The following GLIS1 variants were observed in gnomAD, a reference collection of about 807,000 sequenced individuals.
GLIS1 encodes the protein GLIS family zinc finger 1.
Under a neutral mutation model 63.8 loss-of-function variants are expected in GLIS1, and 24 were observed. The ratio of observed to expected loss-of-function variants is 0.38; its 90% confidence interval spans 0.27 to 0.53. The LOEUF (loss-of-function observed/expected upper bound fraction) is 0.53. Among genes scored for constraint, GLIS1 ranks in the 20% least tolerant of loss-of-function variants. The probability of loss-of-function intolerance (pLI) is 0.85; values close to 1 mark genes in which losing one functional copy is unlikely to be tolerated. For missense variants in GLIS1, 1,036 were observed against 1,074.1 expected (o/e 0.96, Z 0.50); for synonymous variants, 450 against 482.5 (o/e 0.93, Z 0.88).
chr1:53,632,414 G>A lies in GLIS1; in HGVS notation c.260-32136C>T, dbSNP rs544595944. On this transcript the variant is annotated intron_variant, in intron 2 of 10. Coordinates refer to ENST00000628545, the MANE Select transcript of GLIS1 (RefSeq NM_001367484.1). ...GAGGGGTGTTTGAGTGTGACTGAGG[G>A]GCATGTGGATGAATATGACTGAGGG... is the stretch of plus-strand genomic sequence containing the variant. Among the ~76,000 whole-genome samples, 44 of 150,910 alleles carry A rather than the reference G, an allele frequency of 2.9e-4. 1 individual carries two copies. In the South Asian group the frequency reaches 8.9e-3, roughly 31 times the overall value.
chr1:53,680,234 T>G (rs1360698864), intron 2 of GLIS1, among the ~76,000 whole-genome samples: 3 of 152,082 alleles, frequency 2.0e-5, no homozygotes, highest in Non-Finnish European at 4.4e-5. Flanking sequence ...CTTAACGTCT[T>G]CATAAGGAAA....
At chr1:53,689,483 C>G (rs1646378403) in intron 2 of GLIS1, among the ~76,000 whole-genome samples, 1 of 152,170 alleles carries the variant, frequency 6.6e-6, no homozygotes, top group African/African-American at 2.4e-5. Flanking sequence ...CAGAAACATC[C>G]TGAGCTGAGA....
In GLIS1 at chr1:53,598,866, G is replaced by A. The variant is rs1162035518; in HGVS notation, c.437+1235C>T. On this transcript the variant is annotated intron_variant, in intron 3 of 10. Transcript: ENST00000628545. This position sits in a 1 kb window ranked among gnomAD's most constrained non-coding sequence, Gnocchi z 4.6. ...GGAAGAACAGCATCCTTCTATTTAG[G>A]AATTTATCCACTGTGGAGCTCTCAC... Among the ~76,000 whole-genome samples the A allele has an allele frequency of 6.6e-6, 1 of 152,164 alleles. No homozygotes were observed. Among genetic ancestry groups the A allele is most frequent in the Non-Finnish European group, 1.5e-5 (1 of 68,024 alleles).
chr1:53,524,273 C>G (rs1326897565), intron 6 of GLIS1, among the ~76,000 whole-genome samples: 1 of 152,230 alleles, frequency 6.6e-6, no homozygotes, highest in East Asian at 1.9e-4. Flanking sequence ...CCTGACGCCA[C>G]TTCCTCCACA....
chr1:53,635,757 A>G (rs1302162972), intron 2 of GLIS1, among the ~76,000 whole-genome samples: 1 of 152,232 alleles, frequency 6.6e-6, no homozygotes, highest in Admixed American at 6.5e-5. Context: ...TGTCAGGAAT[A>G]AAACTGAGAC....
intron 2 of GLIS1, among the ~76,000 whole-genome samples, chr1:53,615,897 C>A (rs971977085): frequency 5.3e-5 from 8 of 151,836 alleles, no homozygotes; most frequent in Admixed American, 3.9e-4. Context: ...TACAGGCGTG[C>A]GCAACCACAC....
intron 6 of GLIS1, among the ~76,000 whole-genome samples, chr1:53,522,986 CTTT>C (rs1553120127): frequency 2.3e-5 from 1 of 43,688 alleles, no homozygotes; most frequent in African/African-American, 4.4e-5. Context: ...TCTTTTCTTT[CTTT>C]TTTTTTTTTT....
chr1:53,522,432 G>A (rs1644419708), intron 6 of GLIS1, among the ~76,000 whole-genome samples: 1 of 152,202 alleles, frequency 6.6e-6, no homozygotes, highest in African/African-American at 2.4e-5. Flanking sequence ...TGGGACAGAA[G>A]CCTCCCTGGT....
At chr1:53,610,479 A>G (rs1445771169) in intron 2 of GLIS1, among the ~76,000 whole-genome samples, 9 of 152,180 alleles carry the variant, frequency 5.9e-5, no homozygotes, top group African/African-American at 2.2e-4. Context: ...TCTTCTTTCC[A>G]TATATTATGG....
At chr1:53,668,491 G>A (rs1646118380) in intron 2 of GLIS1, among the ~76,000 whole-genome samples, 1 of 152,230 alleles carries the variant, frequency 6.6e-6, no homozygotes, top group South Asian at 2.1e-4. Flanking sequence ...CCTCCCATGT[G>A]GCTGAGACTA....
chr1:53,720,660 G>T (rs1177946878), intron 2 of GLIS1, among the ~76,000 whole-genome samples: 2 of 152,170 alleles, frequency 1.3e-5, no homozygotes, highest in African/African-American at 4.8e-5. Context: ...ATAAAAGGGG[G>T]TGAATGTTTG....
chr1:53,633,617 G>A (rs185232973), intron 2 of GLIS1, among the ~76,000 whole-genome samples: 56 of 152,156 alleles, frequency 3.7e-4, no homozygotes, highest in Non-Finnish European at 7.4e-5. Context: ...TTAGGACTTC[G>A]TGAGTTTTAG....
intron 2 of GLIS1, among the ~76,000 whole-genome samples, chr1:53,678,328 AGG>A (rs56148850): frequency 0.023 from 1,614 of 70,342 alleles, 41 homozygotes; most frequent in African/African-American, 0.054. Flanking sequence ...CAGGAGGGTG[AGG>A]GGGGGGGGGT....
chr1:53,623,152 G>A (rs1392061822), intron 2 of GLIS1, among the ~76,000 whole-genome samples: 1 of 151,912 alleles, frequency 6.6e-6, no homozygotes, highest in Non-Finnish European at 1.5e-5. Flanking sequence ...AATGTGTATC[G>A]AATCTGATAT....
intron 5 of GLIS1, among the ~76,000 whole-genome samples, chr1:53,527,407 G>A (rs777608251): frequency 7.2e-5 from 11 of 152,218 alleles, no homozygotes; most frequent in African/African-American, 2.2e-4. Context: ...GGGGAAGGCC[G>A]CCCAGTCCAT....
intron 2 of GLIS1, among the ~76,000 whole-genome samples, chr1:53,678,573 AT>A (rs1271629666): frequency 3.3e-5 from 5 of 152,100 alleles, no homozygotes; most frequent in African/African-American, 1.2e-4. Context: ...GATGGCAGAG[AT>A]GTACTAAGGG....
chr1:53,512,933 G>C (rs796741396), intron 8 of GLIS1, among the ~76,000 whole-genome samples: 10 of 152,176 alleles, frequency 6.6e-5, no homozygotes, highest in Admixed American at 5.2e-4. Flanking sequence ...CCTGTGCCAG[G>C]TGAGGCACAC....
intron 4 of GLIS1, among the ~76,000 whole-genome samples, chr1:53,566,917 G>A (rs1423739870): frequency 6.6e-6 from 1 of 152,212 alleles, no homozygotes; most frequent in African/African-American, 2.4e-5. Context: ...CTTTATAGCA[G>A]TGTGAAAACA....
intron 2 of GLIS1, among the ~76,000 whole-genome samples, chr1:53,699,263 C>T (rs1354635346): frequency 6.6e-6 from 1 of 152,022 alleles, no homozygotes; most frequent in Non-Finnish European, 1.5e-5. Flanking sequence ...CAGGTTTCAC[C>T]ATGTTGGCCA....
Sources: gnomAD v4.1 joint callset for allele counts (sites outside exome capture counted in the v4.1 genomes callset) on GRCh38, gnomAD v4.1.1 for gene constraint, Gnocchi (gnomAD v3.1) non-coding constraint, MANE v1.5 for transcripts, NCBI Gene and HGNC (gene_info 2026-07-23, HGNC 2026-07-21) for gene names.